Variants in CTNNA1 observed in about 807,000 individuals in gnomAD.
CTNNA1 encodes the protein catenin alpha-1.
A neutral mutation model predicts 98.4 loss-of-function variants in CTNNA1; 37 were observed. The observed-to-expected ratio is 0.38, with a 90% CI of 0.29 to 0.49. The LOEUF is 0.49. Among genes scored for constraint, CTNNA1 ranks in the 20% least tolerant of loss-of-function variants. The pLI, the probability that CTNNA1 is intolerant of heterozygous loss-of-function variation, is 0.95. For synonymous variants in CTNNA1, 404 were observed against 413.2 expected (o/e 0.98, Z 0.27); for missense variants, 761 against 1,147.2 (o/e 0.66, Z 4.86).
intron 7 of CTNNA1, among the ~76,000 whole-genome samples, chr5:138,829,905 A>G (rs1761089904): frequency 6.6e-6 from 1 of 151,916 alleles, no homozygotes; most frequent in Non-Finnish European, 1.5e-5. Context: ...CAGAAAAATT[A>G]CCTGTAATCC....
Position 138,910,496 on chromosome 5 carries a change from G to A in CTNNA1, c.1389+6055G>A, listed in dbSNP as rs187659315. ...TGTTTTCTTCCTTCTGCTTGCTTTG[G>A]GTTTAATTTGCTCCTTTTCTAGTTT... On this transcript the variant is annotated intron_variant, in intron 10 of 17. Transcript: ENST00000302763. 4.6e-5 allele frequency among the ~76,000 whole-genome samples: 7 copies of A among 150,894 alleles called. No individual in the cohort carries two copies. The East Asian group carries it at 1.2e-3, about 25-fold the overall frequency.
intron 10 of CTNNA1, among the ~76,000 whole-genome samples, chr5:138,907,590 A>G (rs1284454143): frequency 2.0e-5 from 3 of 152,140 alleles, no homozygotes; most frequent in Non-Finnish European, 4.4e-5. Flanking sequence ...CACAAGCACC[A>G]CGGATCCTGA....
chr5:138,793,913 G>T (rs747446658), intron 3 of CTNNA1, among the ~76,000 whole-genome samples: 2 of 152,106 alleles, frequency 1.3e-5, no homozygotes, highest in Non-Finnish European at 2.9e-5. Flanking sequence ...CAGGGGATGG[G>T]GAAGGGGGGG....
intron 7 of CTNNA1, among the ~76,000 whole-genome samples, chr5:138,831,168 C>T (rs1057193462): frequency 4.6e-5 from 7 of 152,158 alleles, no homozygotes; most frequent in African/African-American, 1.2e-4. Flanking sequence ...GACACACATT[C>T]GTAAAGTGTC....
At chr5:138,843,209 G>GA (rs1762416488) in intron 7 of CTNNA1, among the ~76,000 whole-genome samples, 3 of 152,170 alleles carry the variant, frequency 2.0e-5, no homozygotes, top group Non-Finnish European at 2.9e-5. Flanking sequence ...GGTGATAAAT[G>GA]AAACAAGAAA....
intron 1 of CTNNA1, among the ~76,000 whole-genome samples, chr5:138,778,806 G>A (rs1208863451): frequency 6.6e-6 from 1 of 152,014 alleles, no homozygotes; most frequent in Non-Finnish European, 1.5e-5. Context: ...ATCATACTTT[G>A]TTCTATCTAA....
intron 1 of CTNNA1, among the ~76,000 whole-genome samples, chr5:138,770,305 G>A (rs1753397805): frequency 2.0e-5 from 3 of 152,232 alleles, no homozygotes; most frequent in African/African-American, 7.2e-5. Flanking sequence ...ATGGAAACAG[G>A]GACTTCCTCT....
At chr5:138,759,581 A>T (rs1224097207) in intron 1 of CTNNA1, among the ~76,000 whole-genome samples, 1 of 152,212 alleles carries the variant, frequency 6.6e-6, no homozygotes, top group Non-Finnish European at 1.5e-5. Flanking sequence ...AGGGGGTGCA[A>T]TAATGGCTAT....
At chr5:138,755,567 A>T (rs1166716129) in intron 1 of CTNNA1, among the ~76,000 whole-genome samples, 1 of 152,118 alleles carries the variant, frequency 6.6e-6, no homozygotes, top group Non-Finnish European at 1.5e-5. Context: ...ATCTCATTTC[A>T]TATAGTGACT....
intron 14 of CTNNA1, among the ~76,000 whole-genome samples, chr5:138,930,184 T>G (rs1580904774): frequency 6.6e-6 from 1 of 152,338 alleles, no homozygotes; most frequent in African/African-American, 2.4e-5. Context: ...TAATAAGAAT[T>G]AAGCAGGTTC....
At chr5:138,778,392 C>A (rs1245560500) in intron 1 of CTNNA1, among the ~76,000 whole-genome samples, 1 of 152,166 alleles carries the variant, frequency 6.6e-6, no homozygotes, top group Non-Finnish European at 1.5e-5. Flanking sequence ...ATGTAATTTT[C>A]AGGCGAAATA....
chr5:138,778,886 G>A (rs886528244), intron 1 of CTNNA1, among the ~76,000 whole-genome samples: 2 of 148,420 alleles, frequency 1.3e-5, no homozygotes, highest in African/African-American at 2.5e-5. Flanking sequence ...TCAAAGTTAC[G>A]TTTTTTTTTT....
chr5:138,782,103 A>G, intron 2 of CTNNA1, 74 bp downstream of exon 2: 1 of 1,406,912 alleles, frequency 7.1e-7, no homozygotes, highest in Non-Finnish European at 9.7e-7. Context: ...CATAAGAGCA[A>G]GGTTATTTAG....
At chr5:138,776,806 C>A (rs1339804634) in intron 1 of CTNNA1, among the ~76,000 whole-genome samples, 1 of 140,950 alleles carries the variant, frequency 7.1e-6, no homozygotes, top group African/African-American at 2.7e-5. Flanking sequence ...GGGGGCTGAC[C>A]CCCCCACCTC....
Position 138,794,064 on chromosome 5 carries a change from C to T in CTNNA1, c.301+10692C>T, listed in dbSNP as rs28363389. Among the ~76,000 whole-genome samples, 265 of 139,346 alleles carry T rather than the reference C, an allele frequency of 1.9e-3. 1 individual carries two copies. The highest frequency in any genetic ancestry group is 6.4e-3 in the African/African-American group (236 of 36,828). The allele number at this position is 139,346 out of a possible 152,430, so 91.4% of individuals were successfully genotyped here. ...ACGGAGTCTTGCTCTGTCGCCCAGG[C>T]TGAAGTGCAGTGGTGCAATCTCGGC... On this transcript the variant is annotated intron_variant, in intron 3 of 17. Coordinates refer to ENST00000302763, the MANE Select transcript of CTNNA1 (RefSeq NM_001903.5).
At chr5:138,869,745 C>T (rs998926236) in intron 7 of CTNNA1, 2 of 152,348 alleles carry the variant, frequency 1.3e-5, no homozygotes, top group African/African-American at 4.8e-5. Context: ...TAATTAGTGG[C>T]GTTGGGAAGT....
chr5:138,825,762 G>A (rs1045904238), intron 6 of CTNNA1, among the ~76,000 whole-genome samples: 7 of 152,164 alleles, frequency 4.6e-5, no homozygotes, highest in African/African-American at 1.7e-4. Flanking sequence ...CATAAAGCAA[G>A]AAGGCAGTGT....
At chr5:138,924,403 C>A in intron 11 of CTNNA1, 107 bp from the exon 12 acceptor site, 1 of 1,077,978 alleles carries the variant, frequency 9.3e-7, no homozygotes, top group Non-Finnish European at 1.4e-6. Flanking sequence ...AAACTTTCAG[C>A]ACTGTGGCTG....
chr5:138,887,395 C>T (rs1455284761), intron 8 of CTNNA1, 95 bp from the exon 9 acceptor site: 11 of 887,082 alleles, frequency 1.2e-5, no homozygotes, highest in Non-Finnish European at 1.9e-5. Context: ...CTACCGTAAG[C>T]TTCATTAGAT....
Sources: gnomAD v4.1 joint callset for allele counts (sites outside exome capture counted in the v4.1 genomes callset) on GRCh38, gnomAD v4.1.1 for gene constraint, MANE v1.5 for transcripts, NCBI Gene and HGNC (gene_info 2026-07-23, HGNC 2026-07-21) for gene names.